The following UHRF2 variants were observed in gnomAD, a reference collection of about 807,000 sequenced individuals.
UHRF2 encodes the protein E3 ubiquitin-protein ligase UHRF2.
In UHRF2, 23 loss-of-function variants were observed where a neutral mutation model predicts 96.8. The observed-to-expected ratio is 0.24, with a 90% confidence interval of 0.17 to 0.34. The LOEUF is 0.34. UHRF2 is among the 10% of genes least tolerant of loss of function. The pLI is 1.00. For synonymous variants in UHRF2, 385 were observed against 332.6 expected (o/e 1.16, Z -1.72); for missense variants, 685 against 981.5 (o/e 0.70, Z 4.04).
At chr9:6,493,729 T>C (rs1824810357) in intron 9 of UHRF2, 97 bp from the exon 10 acceptor site, 1 of 1,063,242 alleles carries the variant, frequency 9.4e-7, no homozygotes, top group Non-Finnish European at 1.3e-6. Context: ...AAATGTCAAC[T>C]CATAACATCC....
At chr9:6,459,790 T>C (rs1024509060) in intron 3 of UHRF2, among the ~76,000 whole-genome samples, 3 of 152,192 alleles carry the variant, frequency 2.0e-5, no homozygotes, top group Admixed American at 6.5e-5. Context: ...GTCATGAACA[T>C]AGTAAGACCC....
intron 2 of UHRF2, among the ~76,000 whole-genome samples, 200 bp from the exon 3 acceptor site, chr9:6,433,710 AAGTT>A (rs1345774030): frequency 2.0e-5 from 3 of 152,342 alleles, no homozygotes; most frequent in African/African-American, 7.2e-5. Context: ...ATGAGGAAGA[AAGTT>A]AGTTTTCATC....
chr9:6,439,917 C>G (rs566233113), intron 3 of UHRF2, among the ~76,000 whole-genome samples: 1 of 151,900 alleles, frequency 6.6e-6, no homozygotes, highest in Non-Finnish European at 1.5e-5. Context: ...GTAATAGAGG[C>G]AATTATAAAT....
chr9:6,460,028 A>G (rs1822432677), intron 3 of UHRF2, among the ~76,000 whole-genome samples: 1 of 152,208 alleles, frequency 6.6e-6, no homozygotes, highest in Non-Finnish European at 1.5e-5. Context: ...TTATGTTTTT[A>G]TCACCCTCCC....
intron 15 of UHRF2, among the ~76,000 whole-genome samples, 173 bp downstream of exon 15, chr9:6,504,864 G>C (rs930662004): frequency 1.1e-4 from 16 of 152,148 alleles, no homozygotes; most frequent in Non-Finnish European, 1.9e-4. Flanking sequence ...TAATTAGATA[G>C]TGATAATAAT....
intron 1 of UHRF2, among the ~76,000 whole-genome samples, chr9:6,415,812 C>T (rs891785766): frequency 6.6e-6 from 1 of 152,158 alleles, no homozygotes; most frequent in Non-Finnish European, 1.5e-5. Flanking sequence ...TTTAACAAGA[C>T]CCCACGGGAG....
At chr9:6,475,597 C>A in intron 5 of UHRF2, 97 bp downstream of exon 5, 4 of 528,270 alleles carry the variant, frequency 7.6e-6, no homozygotes, top group Non-Finnish European at 1.3e-5. Context: ...AAGTATAAAA[C>A]TGTAGACCAT....
At chr9:6,492,190 C>A in intron 9 of UHRF2, 2 of 308,170 alleles carry the variant, frequency 6.5e-6, no homozygotes, top group Non-Finnish European at 1.2e-5. Context: ...TGATTTGCTG[C>A]TTGAAGAATA....
chr9:6,476,802 C>T (rs1218956599), intron 5 of UHRF2, among the ~76,000 whole-genome samples: 1 of 152,036 alleles, frequency 6.6e-6, no homozygotes, highest in Non-Finnish European at 1.5e-5. Context: ...ACTGTGTTGG[C>T]CAGGTTGGTC....
intron 10 of UHRF2, chr9:6,494,779 T>C (rs1295777439): frequency 6.6e-6 from 1 of 152,192 alleles, no homozygotes; most frequent in Non-Finnish European, 1.5e-5. Flanking sequence ...TCACTCAGTT[T>C]TAAGTAGTGT....
chr9:6,490,481 AC>A (rs769843328), intron 9 of UHRF2, among the ~76,000 whole-genome samples: 71 of 152,146 alleles, frequency 4.7e-4, no homozygotes, highest in Non-Finnish European at 9.4e-4. Flanking sequence ...TACAAAAATT[AC>A]CCAGGCGTGG....
chr9:6,472,563 C>G (rs1164449592), intron 4 of UHRF2, among the ~76,000 whole-genome samples: 1 of 152,128 alleles, frequency 6.6e-6, no homozygotes, highest in Non-Finnish European at 1.5e-5. Context: ...TTCAGACAAT[C>G]AAGATGACTG....
At chr9:6,448,445 G>A (rs1821652293) in intron 3 of UHRF2, among the ~76,000 whole-genome samples, 1 of 152,184 alleles carries the variant, frequency 6.6e-6, no homozygotes, top group African/African-American at 2.4e-5. Flanking sequence ...TTAAGTGTAT[G>A]GATTCTAGAG....
At chr9:6,488,540 CTTTTTTTTT>C (rs58280407) in intron 9 of UHRF2, among the ~76,000 whole-genome samples, 1 of 83,822 alleles carries the variant, frequency 1.2e-5, no homozygotes, top group Non-Finnish European at 2.2e-5. Flanking sequence ...TTTTTCTTTT[CTTTTTTTTT>C]TTTTTTTTTT....
At chr9:6,493,778 A>G (rs750601378) in intron 9 of UHRF2, 48 bp from the exon 10 acceptor site, 24 of 1,486,908 alleles carry the variant, frequency 1.6e-5, no homozygotes, top group Non-Finnish European at 2.2e-5. Context: ...AATTGATGAA[A>G]TTATACTTGG....
chr9:6,451,817 G>T (rs1232177137), intron 3 of UHRF2, among the ~76,000 whole-genome samples: 1 of 146,208 alleles, frequency 6.8e-6, no homozygotes, highest in Admixed American at 6.8e-5. Flanking sequence ...CAGAGTCTCA[G>T]TCTGTCACCA....
At chr9:6,487,185 T>TATTTTTTATTTTTTA (rs1563799233) in intron 9 of UHRF2, among the ~76,000 whole-genome samples, 9 of 117,078 alleles carry the variant, frequency 7.7e-5, no homozygotes, top group African/African-American at 3.2e-4. Context: ...TTTTTTCCTT[T>TATTTTTTATTTTTTA]TTTTTTTTTT....
rs1209280794 is a variant in UHRF2, at chr9:6,500,542, A to G, written c.2006-10A>G. On this transcript the variant is annotated splice_polypyrimidine_tract_variant and intron_variant, in intron 13 of 15. Transcript: ENST00000276893. ...GTAAGTCTGCTGATACATTTTTAAA[A>G]TAAATCTAGATGACTGTCCAAGTGC... The G allele has an allele frequency of 6.2e-7, 1 of 1,600,398 alleles. No homozygotes were observed.
intron 1 of UHRF2, chr9:6,415,195 T>TG (rs1166366183): frequency 1.3e-5 from 2 of 152,168 alleles, no homozygotes. Flanking sequence ...TTATCACATA[T>TG]GGGATTGGGT....
Sources: gnomAD v4.1 joint callset for allele counts (sites outside exome capture counted in the v4.1 genomes callset) on GRCh38, gnomAD v4.1.1 for gene constraint, MANE v1.5 for transcripts, NCBI Gene and HGNC (gene_info 2026-07-23, HGNC 2026-07-21) for gene names.